Variants in ARMH3 observed in about 807,000 individuals in gnomAD.
ARMH3 encodes armadillo like helical domain containing 3.
In ARMH3, 60 loss-of-function variants were observed where a neutral mutation model predicts 99.1. That is an observed-to-expected ratio of 0.61 (90% confidence interval 0.49 to 0.75). ARMH3 has a LOEUF of 0.75. Among genes scored for constraint, ARMH3 ranks in the 30% least tolerant of loss-of-function variants. ARMH3 has a pLI of 0.00. For missense variants in ARMH3, 679 were observed against 843.1 expected, an observed-to-expected ratio of 0.81 and a Z score of 2.41; for synonymous variants, 285 against 292.8, an observed-to-expected ratio of 0.97 and a Z score of 0.27.
intron 22 of ARMH3, among the ~76,000 whole-genome samples, chr10:101,944,304 AGAGAGAGAGAGAGAGAGAGAGAGAGT>A: frequency 7.5e-6 from 1 of 133,524 alleles, no homozygotes; most frequent in Non-Finnish European, 1.6e-5. Flanking sequence ...AGAGAGAGAG[AGAGAGAGAGAGAGAGAGAGAGAGAGT>A]CCAAACTGAG....
chr10:101,864,822 C>G (rs991165399), intron 24 of ARMH3, among the ~76,000 whole-genome samples: 1 of 151,862 alleles, frequency 6.6e-6, no homozygotes, highest in Admixed American at 6.6e-5. Flanking sequence ...CAGCACACCA[C>G]ATGGCACATG....
chr10:101,993,494 A>C (rs1846906264), intron 17 of ARMH3, 44 bp downstream of exon 17: 1 of 1,475,330 alleles, frequency 6.8e-7, no homozygotes, highest in Non-Finnish European at 9.3e-7. Context: ...CGACATACAA[A>C]AAATTTCCTC....
At chr10:101,962,239 A>G (rs1845328421) in intron 20 of ARMH3, among the ~76,000 whole-genome samples, 1 of 152,182 alleles carries the variant, frequency 6.6e-6, no homozygotes, top group South Asian at 2.1e-4. Context: ...CTGAAGAGAT[A>G]ATGCCCATGG....
At position 101,862,718 on chromosome 10, in the gene ARMH3, C is replaced by A. The variant is rs560447932; in HGVS notation, c.1861-12826G>T. 3.2e-4 allele frequency among the ~76,000 whole-genome samples: 48 copies of A among 150,242 alleles called. 1 individual carries two copies. In the East Asian group the frequency reaches 8.8e-3, roughly 28 times the overall value. On this transcript the variant is annotated intron_variant, in intron 24 of 25. Transcript: ENST00000370033. ...ATAAAATGAAATCATAAAAAAAAAA[C>A]CCTCAGTAAAATAAAAAGAGGGCAG...
intron 2 of ARMH3, among the ~76,000 whole-genome samples, chr10:102,036,792 G>T (rs1376443445): frequency 6.6e-6 from 1 of 151,102 alleles, no homozygotes; most frequent in African/African-American, 2.4e-5. Context: ...TTGTTTATCT[G>T]CTGACCTTCC....
At chr10:101,975,381 C>T in intron 19 of ARMH3, 81 bp from the exon 20 acceptor site, 1 of 1,105,112 alleles carries the variant, frequency 9.0e-7, no homozygotes, top group Non-Finnish European at 1.4e-6. Flanking sequence ...AGTGAGCCAG[C>T]TTTGCTAAGG....
rs1434303987 is a variant in ARMH3 at position 102,033,358 on chromosome 10, C to T, written c.103-19G>A. 1.9e-6 allele frequency: 3 copies of T among 1,610,964 alleles called. No individual in the cohort carries two copies. The highest frequency in any genetic ancestry group is 1.3e-5 in the African/African-American group (1 of 74,630). ...CCTCTGTCTGAAACCAGAATATAAG[C>T]ACATTCAGCCTTCCCAGCTAACACC... On this transcript the variant is annotated intron_variant, in intron 2 of 25. Transcript: ENST00000370033.
At chr10:101,963,878 CTTT>C (rs1177050739) in intron 20 of ARMH3, among the ~76,000 whole-genome samples, 6 of 135,670 alleles carry the variant, frequency 4.4e-5, no homozygotes, top group Non-Finnish European at 4.8e-5. Flanking sequence ...CTTTTTCTTT[CTTT>C]TTTTTTTTTT....
At chr10:101,912,759 C>T (rs1842922386) in intron 23 of ARMH3, among the ~76,000 whole-genome samples, 1 of 152,188 alleles carries the variant, frequency 6.6e-6, no homozygotes, top group Admixed American at 6.5e-5. Flanking sequence ...TAGGGAAAAG[C>T]ACGCAGTCTT....
chr10:101,901,913 C>A (rs575274505), intron 23 of ARMH3, among the ~76,000 whole-genome samples: 3 of 152,248 alleles, frequency 2.0e-5, no homozygotes, highest in Non-Finnish European at 2.9e-5. Context: ...AACTTCATTG[C>A]AAAATAGTTT....
chr10:101,975,177 A>C, intron 20 of ARMH3, 35 bp downstream of exon 20: 1 of 1,583,624 alleles, frequency 6.3e-7, no homozygotes, highest in East Asian at 2.3e-5. Context: ...AAAAAGGTAT[A>C]GAAAAAGGAA....
intron 24 of ARMH3, among the ~76,000 whole-genome samples, chr10:101,852,890 T>C (rs2066638279): frequency 1.3e-5 from 2 of 151,478 alleles, no homozygotes; most frequent in African/African-American, 4.9e-5. Flanking sequence ...CTTTCTTTTT[T>C]TTTTCTTTTT....
chr10:101,979,271 G>A (rs867351603), intron 19 of ARMH3, among the ~76,000 whole-genome samples: 1 of 152,300 alleles, frequency 6.6e-6, no homozygotes, highest in Middle Eastern at 3.4e-3. Context: ...ATACAACGAT[G>A]TTGTATTCTA....
chr10:101,930,077 G>A (rs1406758572), intron 23 of ARMH3, among the ~76,000 whole-genome samples: 1 of 152,068 alleles, frequency 6.6e-6, no homozygotes, highest in Non-Finnish European at 1.5e-5. Flanking sequence ...TGCTCATCCT[G>A]TACTAGCAAA....
intron 22 of ARMH3, among the ~76,000 whole-genome samples, chr10:101,940,249 T>A (rs1394072924): frequency 6.6e-6 from 1 of 152,198 alleles, no homozygotes; most frequent in Non-Finnish European, 1.5e-5. Flanking sequence ...GCATTTACAA[T>A]CTGCACTGGG....
At chr10:101,899,912 C>T (rs1326745278) in intron 23 of ARMH3, among the ~76,000 whole-genome samples, 1 of 152,038 alleles carries the variant, frequency 6.6e-6, no homozygotes, top group Non-Finnish European at 1.5e-5. Context: ...AACTACTGAC[C>T]AGTGCATCTA....
At chr10:101,992,102 T>C in intron 17 of ARMH3, 64 bp from the exon 18 acceptor site, 2 of 1,288,520 alleles carry the variant, frequency 1.6e-6, no homozygotes, top group Non-Finnish European at 2.3e-6. Context: ...CAATGGCCCA[T>C]CATCATGTTC....
chr10:102,053,214 TA>T (rs1191838493), intron 1 of ARMH3, among the ~76,000 whole-genome samples: 2,321 of 49,046 alleles, frequency 0.047, 16 homozygotes, highest in African/African-American at 0.077. Context: ...CCTCAGAAGC[TA>T]AAAAAAAAAA....
intron 23 of ARMH3, among the ~76,000 whole-genome samples, chr10:101,931,264 C>T (rs1215609842): frequency 2.6e-5 from 4 of 152,180 alleles, no homozygotes; most frequent in Admixed American, 6.5e-5. Flanking sequence ...CGATGGCTCA[C>T]GCCTGTAATC....
Sources: gnomAD v4.1 joint callset for allele counts (sites outside exome capture counted in the v4.1 genomes callset) on GRCh38, gnomAD v4.1.1 for gene constraint, MANE v1.5 for transcripts, NCBI Gene and HGNC (gene_info 2026-07-23, HGNC 2026-07-21) for gene names.